Variants in DISP1 observed in about 807,000 individuals in gnomAD.
DISP1 encodes the protein protein dispatched homolog 1.
DISP1 carries 30 observed loss-of-function variants against 37.3 expected under a neutral mutation model. The ratio of observed to expected loss-of-function variants is 0.80; its 90% CI spans 0.60 to 1.09. The LOEUF (loss-of-function observed/expected upper bound fraction) is 1.09. Among genes scored for constraint, DISP1 ranks in the 50% least tolerant of loss-of-function variants. The pLI, the probability that DISP1 is intolerant of heterozygous loss-of-function variation, is 0.00. For synonymous variants in DISP1, 634 were observed against 690.2 expected, an observed-to-expected ratio of 0.92 and a Z score of 1.28; for missense variants, 1,598 against 1,879.5, an observed-to-expected ratio of 0.85 and a Z score of 2.77.
chr1:222,854,194 C>T (rs900595638), intron 1 of DISP1, among the ~76,000 whole-genome samples: 15 of 152,174 alleles, frequency 9.9e-5, no homozygotes, highest in Non-Finnish European at 1.9e-4. Context: ...CTTAACAAGA[C>T]TGAATCATAG....
chr1:222,982,985 A>G (rs1237008307), intron 3 of DISP1, 95 bp from the exon 4 acceptor site: 3 of 932,828 alleles, frequency 3.2e-6, no homozygotes, highest in African/African-American at 1.7e-5. Flanking sequence ...GATAACAAGT[A>G]AAATGTTCAA....
At chr1:222,858,649 C>T (rs1298284411) in intron 1 of DISP1, among the ~76,000 whole-genome samples, 2 of 152,012 alleles carry the variant, frequency 1.3e-5, no homozygotes, top group East Asian at 3.9e-4. Flanking sequence ...AAAGAAACAG[C>T]CCCATTAAAA....
In DISP1 at chr1:223,005,459, T is replaced by G; in HGVS notation, c.4062T>G (p.Asn1354Lys). The G allele has an allele frequency of 6.2e-7, 1 of 1,613,540 alleles. No individual in the cohort carries two copies. The highest frequency in any genetic ancestry group is 1.1e-5 in the South Asian group (1 of 91,064). Reference sequence around the variant, plus strand: ...GAATGCAGAATTCTCTGCCTAGGAATTTTTTCCTCCACCCAGTGCAGCACA... The same window carrying G: ...GAATGCAGAATTCTCTGCCTAGGAAGTTTTTCCTCCACCCAGTGCAGCACA... ...PAGMQNSLPR[N>K]FFLHPVQHIQ... The change falls in exon 9 of 9, where the codon AAT (asparagine) becomes AAG (lysine). Residue 1354 changes from asparagine (N) to lysine (K), a missense_variant. Physicochemically the swap from Asn to Lys is moderately conservative, Grantham distance 94. Coordinates refer to ENST00000675850, the MANE Select transcript of DISP1 (RefSeq NM_001377229.1).
chr1:222,848,320 G>A (rs913894193), intron 1 of DISP1, among the ~76,000 whole-genome samples: 8 of 152,046 alleles, frequency 5.3e-5, no homozygotes, highest in East Asian at 1.9e-4. Context: ...GGTGCCAGTC[G>A]TGTAGTATAA....
chr1:222,905,025 TA>T (rs1671822281), intron 1 of DISP1, among the ~76,000 whole-genome samples: 1 of 152,210 alleles, frequency 6.6e-6, no homozygotes, highest in African/African-American at 2.4e-5. Flanking sequence ...GGACTGGTTT[TA>T]TTGACTTTTT....
At chr1:222,970,127 A>G (rs1384127014) in intron 3 of DISP1, among the ~76,000 whole-genome samples, 2 of 152,206 alleles carry the variant, frequency 1.3e-5, no homozygotes, top group Non-Finnish European at 2.9e-5. Context: ...CTCTTCTGAT[A>G]AAACTCACTC....
chr1:222,974,886 G>A (rs1002971545), intron 3 of DISP1, among the ~76,000 whole-genome samples: 3 of 152,148 alleles, frequency 2.0e-5, no homozygotes, highest in Non-Finnish European at 2.9e-5. Context: ...ATCAAAGTGC[G>A]GATTTTTTTT....
At chr1:222,885,567 CAA>C (rs1670547486) in intron 1 of DISP1, among the ~76,000 whole-genome samples, 1 of 151,382 alleles carries the variant, frequency 6.6e-6, no homozygotes, top group Non-Finnish European at 1.5e-5. Context: ...CTCCTGGGCT[CAA>C]GTGATCCTCC....
intron 1 of DISP1, among the ~76,000 whole-genome samples, chr1:222,906,676 G>A (rs549285184): frequency 6.6e-6 from 1 of 152,252 alleles, no homozygotes; most frequent in African/African-American, 2.4e-5. Context: ...TACCCTATAT[G>A]GTCTAAAAAG....
At chr1:222,977,173 G>A (rs1677403102) in intron 3 of DISP1, among the ~76,000 whole-genome samples, 1 of 151,466 alleles carries the variant, frequency 6.6e-6, no homozygotes, top group Non-Finnish European at 1.5e-5. Context: ...GGGATTACAT[G>A]CATGCACCAC....
chr1:222,927,291 TA>T (rs1673142977), intron 1 of DISP1, among the ~76,000 whole-genome samples: 1 of 152,180 alleles, frequency 6.6e-6, no homozygotes. Context: ...TGTATTTCCC[TA>T]AATCACTAAT....
At chr1:222,984,484 CAT>C (rs1352636154) in intron 4 of DISP1, among the ~76,000 whole-genome samples, 3 of 125,538 alleles carry the variant, frequency 2.4e-5, no homozygotes, top group South Asian at 2.6e-4. Flanking sequence ...TTATATATAA[CAT>C]AGGTTTATAT....
At chr1:222,918,269 T>C (rs1362761782) in intron 1 of DISP1, among the ~76,000 whole-genome samples, 2 of 152,068 alleles carry the variant, frequency 1.3e-5, no homozygotes, top group Non-Finnish European at 2.9e-5. Flanking sequence ...AGAGAACTGG[T>C]TACGTTAATT....
intron 4 of DISP1, among the ~76,000 whole-genome samples, chr1:222,984,169 G>T (rs896488982): frequency 1.3e-5 from 2 of 151,984 alleles, no homozygotes; most frequent in African/African-American, 4.8e-5. Context: ...ACTTTGGGAG[G>T]ATGAGGCAGG....
At chr1:222,845,605 T>C (rs1269983883) in intron 1 of DISP1, among the ~76,000 whole-genome samples, 1 of 152,202 alleles carries the variant, frequency 6.6e-6, no homozygotes, top group African/African-American at 2.4e-5. Context: ...TTTTTGAGTT[T>C]CTGGATTTTT....
intron 4 of DISP1, among the ~76,000 whole-genome samples, chr1:222,990,153 C>T (rs1399793266): frequency 6.6e-6 from 1 of 152,126 alleles, no homozygotes; most frequent in Non-Finnish European, 1.5e-5. Context: ...TTTATAGACT[C>T]TCACTGTTTA....
intron 2 of DISP1, among the ~76,000 whole-genome samples, chr1:222,934,128 A>T (rs1452277303): frequency 6.6e-6 from 1 of 152,098 alleles, no homozygotes; most frequent in East Asian, 1.9e-4. Flanking sequence ...AGAATTTTAC[A>T]TCAGTAGCCT....
chr1:222,856,332 T>A (rs1450832299), intron 1 of DISP1, among the ~76,000 whole-genome samples: 1 of 152,178 alleles, frequency 6.6e-6, no homozygotes, highest in African/African-American at 2.4e-5. Context: ...CAGGTATGAG[T>A]GCTTACTGTT....
intron 1 of DISP1, among the ~76,000 whole-genome samples, chr1:222,891,266 A>G (rs1354861268): frequency 1.3e-5 from 2 of 152,198 alleles, no homozygotes; most frequent in African/African-American, 2.4e-5. Context: ...TAGAATAGAT[A>G]GAGGGGACCT....
Sources: gnomAD v4.1 joint callset for allele counts (sites outside exome capture counted in the v4.1 genomes callset) on GRCh38, gnomAD v4.1.1 for gene constraint, MANE v1.5 for transcripts, NCBI Gene and HGNC (gene_info 2026-07-23, HGNC 2026-07-21) for gene names.